BABAM2: variants seen among roughly 807,000 people sequenced by gnomAD.
The protein encoded by BABAM2 is BRISC and BRCA1 A complex member 2.
In BABAM2, 31 loss-of-function variants were observed where a neutral mutation model predicts 54.7. The observed-to-expected ratio is 0.57, with a 90% CI of 0.43 to 0.77. The LOEUF is 0.77. BABAM2 is among the 30% of genes least tolerant of loss of function. The probability of loss-of-function intolerance (pLI) is 0.00; values close to 1 mark genes in which losing one functional copy is unlikely to be tolerated. For synonymous variants in BABAM2, 167 were observed against 162.9 expected (o/e 1.03, Z -0.19); for missense variants, 364 against 455.8 (o/e 0.80, Z 1.83).
intron 7 of BABAM2, among the ~76,000 whole-genome samples, chr2:28,144,334 A>G (rs538414167): frequency 1.3e-5 from 2 of 152,172 alleles, no homozygotes; most frequent in Non-Finnish European, 2.9e-5. Context: ...ACCTTAGGTA[A>G]TACCAGTCAC....
chr2:28,081,940 C>G (rs1194265627), intron 6 of BABAM2, among the ~76,000 whole-genome samples: 3 of 152,108 alleles, frequency 2.0e-5, no homozygotes, highest in Admixed American at 6.5e-5. Context: ...TGCATAAGAA[C>G]TAAAGTAATA....
intron 6 of BABAM2, among the ~76,000 whole-genome samples, chr2:28,088,134 C>T (rs1342188855): frequency 6.6e-6 from 1 of 152,132 alleles, no homozygotes; most frequent in Non-Finnish European, 1.5e-5. Flanking sequence ...GTCTGGCTTA[C>T]ATAGATGTCA....
intron 6 of BABAM2, among the ~76,000 whole-genome samples, chr2:28,112,121 CTTTCTTTCTTTCTTTCTTTCTTTCTTTA>C (rs1428164414): frequency 7.7e-5 from 1 of 13,068 alleles, no homozygotes; most frequent in African/African-American, 3.5e-4. Flanking sequence ...TTCTTTCTTT[CTTTCTTTCTTTCTTTCTTTCTTTCTTTA>C]CCTCCCTCCC....
chr2:28,214,788 T>G (rs1679782906), intron 7 of BABAM2, among the ~76,000 whole-genome samples: 1 of 152,138 alleles, frequency 6.6e-6, no homozygotes. Flanking sequence ...AAGTTTTTTT[T>G]TTTTAATCAC....
intron 5 of BABAM2, among the ~76,000 whole-genome samples, chr2:28,040,654 A>G (rs1677031441): frequency 1.3e-5 from 2 of 152,172 alleles, no homozygotes; most frequent in Non-Finnish European, 2.9e-5. Flanking sequence ...TGTCAGAAAC[A>G]AGTGCTGAGT....
chr2:28,142,967 C>T (rs923093301), intron 7 of BABAM2, among the ~76,000 whole-genome samples: 1 of 152,006 alleles, frequency 6.6e-6, no homozygotes, highest in African/African-American at 2.4e-5. Context: ...GTTATTTCCA[C>T]CCTGGTAGAG....
chr2:28,093,949 TG>T (rs946559069), intron 6 of BABAM2, among the ~76,000 whole-genome samples: 1 of 152,120 alleles, frequency 6.6e-6, no homozygotes, highest in Non-Finnish European at 1.5e-5. Context: ...GAAGCCAGGC[TG>T]GGGGGCTGAT....
intron 4 of BABAM2, among the ~76,000 whole-genome samples, chr2:28,021,596 A>C (rs1675273747): frequency 2.0e-5 from 3 of 152,322 alleles, no homozygotes; most frequent in Admixed American, 1.3e-4. Context: ...CATACTTTTC[A>C]TATATTGTCA....
intron 6 of BABAM2, among the ~76,000 whole-genome samples, chr2:28,056,108 G>C (rs1316595813): frequency 6.6e-6 from 1 of 152,124 alleles, no homozygotes; most frequent in East Asian, 1.9e-4. Flanking sequence ...AGTGGTGAAT[G>C]GGGGGATGTA....
chr2:28,208,800 C>T (rs1191038774), intron 7 of BABAM2, among the ~76,000 whole-genome samples: 2 of 152,166 alleles, frequency 1.3e-5, no homozygotes, highest in Non-Finnish European at 1.5e-5. Flanking sequence ...CCTAGGTGAG[C>T]AGGGGCTCTG....
intron 7 of BABAM2, among the ~76,000 whole-genome samples, chr2:28,183,748 C>CACACAT (rs1247476281): frequency 5.3e-5 from 8 of 150,150 alleles, no homozygotes; most frequent in Non-Finnish European, 1.2e-4. Context: ...ATCACACACA[C>CACACAT]ACACACACAC....
chr2:28,266,337 A>G (rs1363132675), intron 10 of BABAM2, among the ~76,000 whole-genome samples: 1 of 152,188 alleles, frequency 6.6e-6, no homozygotes, highest in Non-Finnish European at 1.5e-5. Context: ...CCTTATCTGC[A>G]CCTGCAGCAA....
intron 6 of BABAM2, among the ~76,000 whole-genome samples, chr2:28,049,596 A>G (rs1046535508): frequency 2.6e-5 from 4 of 152,206 alleles, no homozygotes; most frequent in African/African-American, 9.7e-5. Flanking sequence ...ACTACAGCGA[A>G]ATTAATTGAG....
At chr2:28,260,627 C>A (rs1014799649) in intron 10 of BABAM2, among the ~76,000 whole-genome samples, 1 of 152,050 alleles carries the variant, frequency 6.6e-6, no homozygotes, top group African/African-American at 2.4e-5. Flanking sequence ...TATTCAAAAT[C>A]ATTTAGTCTT....
chr2:28,263,877 G>C (rs1237554332), intron 10 of BABAM2, among the ~76,000 whole-genome samples: 2 of 152,140 alleles, frequency 1.3e-5, no homozygotes, highest in African/African-American at 4.8e-5. Context: ...GTGTTGAAAA[G>C]GTGGATTAAC....
intron 6 of BABAM2, among the ~76,000 whole-genome samples, chr2:28,107,048 T>TAC (rs1667587238): frequency 1.3e-5 from 2 of 152,198 alleles, no homozygotes; most frequent in African/African-American, 4.8e-5. Flanking sequence ...ATCCTTAATA[T>TAC]GTTACTGTAA....
intron 10 of BABAM2, among the ~76,000 whole-genome samples, chr2:28,274,490 C>T (rs749978402): frequency 9.9e-5 from 15 of 152,112 alleles, no homozygotes; most frequent in Non-Finnish European, 1.5e-4. Context: ...TGCAGTGGTG[C>T]GATCTTGGCT....
At chr2:28,048,491 C>T (rs937156495) in intron 6 of BABAM2, among the ~76,000 whole-genome samples, 8 of 152,112 alleles carry the variant, frequency 5.3e-5, no homozygotes, top group African/African-American at 1.7e-4. Flanking sequence ...AACATAAACA[C>T]GAAAAATATT....
chr2:28,056,938 A>G (rs893770733), intron 6 of BABAM2, among the ~76,000 whole-genome samples: 1 of 152,184 alleles, frequency 6.6e-6, no homozygotes, highest in African/African-American at 2.4e-5. Context: ...AGTGGTCTAT[A>G]TTTTCCTCAT....
Sources: allele counts gnomAD v4.1 joint callset (sites outside exome capture counted in the v4.1 genomes callset), GRCh38; gene constraint gnomAD v4.1.1; transcripts MANE v1.5; gene names NCBI Gene and HGNC (gene_info 2026-07-23, HGNC 2026-07-21).